SUMO3: variants seen among roughly 807,000 people sequenced by gnomAD.
SUMO3 encodes the protein small ubiquitin-related modifier 3.
SUMO3 carries 2 observed loss-of-function variants against 11.1 expected under a neutral mutation model. The ratio of observed to expected loss-of-function variants is 0.18; its 90% CI spans 0.07 to 0.57. The LOEUF is 0.57. SUMO3 is among the 20% of genes least tolerant of loss of function. The pLI, the probability that SUMO3 is intolerant of heterozygous loss-of-function variation, is 0.92. For synonymous variants in SUMO3, 56 were observed against 53.5 expected, an observed-to-expected ratio of 1.05 and a Z score of -0.20; for missense variants, 70 against 132.8, an observed-to-expected ratio of 0.53 and a Z score of 2.32.
rs370151478 is a variant in SUMO3, at chr21:44,812,466, G to A, written c.150+1510C>T. ...AAAAAGTTTCAACCGAGAATATTAC[G>A]TGCAGCCACATACTGAAGTGTGAAG... On this transcript the variant is annotated intron_variant, in intron 2 of 3. Transcript: ENST00000332859. Among the ~76,000 whole-genome samples the A allele has an allele frequency of 1.2e-4, 19 of 152,062 alleles. No individual in the cohort carries two copies. In the East Asian group the frequency reaches 1.7e-3, roughly 14 times the overall value.
chr21:44,811,058 A>C lies in SUMO3; in HGVS notation c.151-1940T>G, dbSNP rs2083209200. Among the ~76,000 whole-genome samples the C allele has an allele frequency of 6.7e-6, 1 of 148,596 alleles. No individual in the cohort carries two copies. Among genetic ancestry groups the C allele is most frequent in the Non-Finnish European group, 1.5e-5 (1 of 66,900 alleles). On this transcript the variant is annotated intron_variant, in intron 2 of 3. Coordinates refer to ENST00000332859, the MANE Select transcript of SUMO3 (RefSeq NM_006936.3). This position sits in a 1 kb window ranked among gnomAD's most constrained non-coding sequence, Gnocchi z 5.0. ...CCCACATACACACACGCACACACCC[A>C]CACATACACACACACGAATGCACAC...
At chr21:44,815,607 C>T (rs1276233451) in intron 1 of SUMO3, among the ~76,000 whole-genome samples, 1 of 152,170 alleles carries the variant, frequency 6.6e-6, no homozygotes, top group Non-Finnish European at 1.5e-5. Flanking sequence ...CCTGCATGAG[C>T]CCCCTTCACT....
chr21:44,807,131 T>TCAGGGAACAC lies in SUMO3; in HGVS notation c.223-92_223-91insGTGTTCCCTG. 1 of 1,496,084 alleles carries TCAGGGAACAC rather than the reference T, an allele frequency of 6.7e-7. No homozygotes were observed. Among genetic ancestry groups the TCAGGGAACAC allele is most frequent in the Non-Finnish European group, 9.1e-7 (1 of 1,100,164 alleles). 92.7% of individuals were successfully genotyped at this position (1,496,084 alleles called of 1,614,324 possible). A position where few individuals can be genotyped will look rare whatever the true frequency, so the allele number is the denominator to read the frequency against. ...GGGAAGATCCTCACTGGCATGAGTG[T>TCAGGGAACAC]TCCCTGACACTAGCGACATCACCTG... On this transcript the variant is annotated intron_variant, in intron 3 of 3. Transcript: ENST00000332859. This position sits in a 1 kb window ranked among gnomAD's most constrained non-coding sequence, Gnocchi z 4.3.
chr21:44,811,039 TACAC>T lies in SUMO3; in HGVS notation c.151-1925_151-1922del, dbSNP rs1347380790. ...ATATGCACACACGCACACACCCACA[TACAC>T]ACACGCACACACCCACACATACACA... On this transcript the variant is annotated intron_variant, in intron 2 of 3. Coordinates refer to ENST00000332859, the MANE Select transcript of SUMO3 (RefSeq NM_006936.3). This position sits in a 1 kb window ranked among gnomAD's most constrained non-coding sequence, Gnocchi z 5.0. Among the ~76,000 whole-genome samples, 10 of 76,790 alleles carry T rather than the reference TACAC, an allele frequency of 1.3e-4. No individual in the cohort carries two copies. The highest frequency in any genetic ancestry group is 4.0e-4 in the South Asian group (1 of 2,474). 50.4% of individuals were successfully genotyped at this position (76,790 alleles called of 152,430 possible).
chr21:44,807,053 T>G lies in SUMO3; in HGVS notation c.223-13A>C. 1.9e-6 allele frequency: 3 copies of G among 1,613,376 alleles called. No individual in the cohort carries two copies. Among genetic ancestry groups the G allele is most frequent in the Non-Finnish European group, 2.5e-6 (3 of 1,179,754 alleles). ...CCTCCATCTCCAGCTGTCATGGTTGTCACAACAGGCACAGCGAGAGAGAGG... is the reference window on the plus strand; with the variant it reads ...CCTCCATCTCCAGCTGTCATGGTTGGCACAACAGGCACAGCGAGAGAGAGG... On this transcript the variant is annotated splice_polypyrimidine_tract_variant and intron_variant, in intron 3 of 3. Transcript: ENST00000332859. The surrounding 1 kb of genome is among the most constrained non-coding windows in gnomAD (Gnocchi z 4.3).
At chr21:44,813,816 A>G (rs904823945) in intron 2 of SUMO3, 160 bp downstream of exon 2, 1 of 1,524,216 alleles carries the variant, frequency 6.6e-7, no homozygotes, top group African/African-American at 1.4e-5. Context: ...AGCCTGGACT[A>G]ATTTTACAGC....
At chr21:44,808,882 A>C in intron 3 of SUMO3, 165 bp downstream of exon 3, 1 of 739,544 alleles carries the variant, frequency 1.4e-6, no homozygotes, top group Non-Finnish European at 2.3e-6. Flanking sequence ...TTCTCATTTG[A>C]AAATTTAAAT....
intron 2 of SUMO3, chr21:44,813,752 T>A (rs1447374887): frequency 7.0e-7 from 1 of 1,423,120 alleles, no homozygotes; most frequent in Non-Finnish European, 9.3e-7. Flanking sequence ...CCCACCACAC[T>A]TCTCCGAGCC....
chr21:44,808,485 A>G, intron 3 of SUMO3: 1 of 1,448,388 alleles, frequency 6.9e-7, no homozygotes, highest in Non-Finnish European at 9.1e-7. Flanking sequence ...ACTGCATTCT[A>G]GCCTGGGCAA....
At position 44,806,812 on chromosome 21, in the gene SUMO3, T is replaced by C. The variant is rs372273961; in HGVS notation, c.*139A>G. ...CTGCAGATATAGTTTTGAGTTGCAC[T>C]TGAAGTACATCAAAGAGAGGAAAAT... On this transcript the variant is annotated 3_prime_UTR_variant, in exon 4 of 4. Transcript: ENST00000332859. The C allele has an allele frequency of 1.4e-6, 2 of 1,460,152 alleles. No homozygotes were observed. The allele number at this position is 1,460,152 out of a possible 1,614,324, so 90.4% of individuals were successfully genotyped here. A position where few individuals can be genotyped will look rare whatever the true frequency, so the allele number is the denominator to read the frequency against.
intron 1 of SUMO3, among the ~76,000 whole-genome samples, chr21:44,816,361 C>A (rs1468208663): frequency 6.6e-6 from 1 of 152,144 alleles, no homozygotes; most frequent in Admixed American, 6.5e-5. Flanking sequence ...AAAGGTCACC[C>A]CAAATGCCAT....
intron 1 of SUMO3, among the ~76,000 whole-genome samples, chr21:44,815,281 A>G (rs1457246430): frequency 3.3e-5 from 5 of 152,158 alleles, no homozygotes; most frequent in African/African-American, 1.2e-4. Context: ...TCCCTGGGGT[A>G]TGCACCCTGG....
Position 44,810,226 on chromosome 21 carries a change from A to G in SUMO3, c.151-1108T>C, listed in dbSNP as rs2083202221. On this transcript the variant is annotated intron_variant, in intron 2 of 3. Coordinates refer to ENST00000332859, the MANE Select transcript of SUMO3 (RefSeq NM_006936.3). The surrounding 1 kb of genome is among the most constrained non-coding windows in gnomAD (Gnocchi z 4.1). ...CCTGAAACCCCACTGAAATGAAGTA[A>G]ATGAAAAAGGCACAAACAGGAAGGA... Among the ~76,000 whole-genome samples the G allele has an allele frequency of 6.6e-6, 1 of 152,208 alleles. No individual in the cohort carries two copies. Among genetic ancestry groups the G allele is most frequent in the African/African-American group, 2.4e-5 (1 of 41,446 alleles).
In SUMO3 at chr21:44,813,874, C is replaced by T. The variant is rs1339302233; in HGVS notation, c.150+102G>A. 4 of 1,590,122 alleles carry T rather than the reference C, an allele frequency of 2.5e-6. No homozygotes were observed. In the Admixed American group the frequency reaches 6.8e-5, roughly 27 times the overall value. ...ACGAAGAGGGCACCTCGGGCAGCTG[C>T]ATCTGGGTCCAGCCCCGAGACGCTC... On this transcript the variant is annotated intron_variant, in intron 2 of 3. Coordinates refer to ENST00000332859, the MANE Select transcript of SUMO3 (RefSeq NM_006936.3).
chr21:44,808,510 G>A (rs773532443), intron 3 of SUMO3: 10 of 1,437,940 alleles, frequency 7.0e-6, no homozygotes, highest in Admixed American at 2.8e-5. Flanking sequence ...GCGAGACTCC[G>A]TCTCAAAAAA....
chr21:44,805,837 G>C lies in SUMO3; in HGVS notation c.*1114C>G, dbSNP rs1569306272. ...AGAGAATGGCCACCAAGCAGCAATG[G>C]AGCCTCAGGGAAGGACAATAGGCAG... is the stretch of plus-strand genomic sequence containing the variant. On this transcript the variant is annotated 3_prime_UTR_variant, in exon 4 of 4. Transcript: ENST00000332859. 1.3e-5 allele frequency: 2 copies of C among 152,602 alleles called. No individual in the cohort carries two copies. The highest frequency in any genetic ancestry group is 2.1e-4 in the South Asian group (1 of 4,820). 9.5% of individuals were successfully genotyped at this position (152,602 alleles called of 1,614,324 possible).
intron 1 of SUMO3, among the ~76,000 whole-genome samples, chr21:44,817,512 C>T (rs1275655406): frequency 6.6e-6 from 1 of 151,780 alleles, no homozygotes. Context: ...CACAGGATCC[C>T]GCACCCAGGG....
chr21:44,812,583 T>C (rs1462218628), intron 2 of SUMO3, among the ~76,000 whole-genome samples: 1 of 152,106 alleles, frequency 6.6e-6, no homozygotes, highest in Non-Finnish European at 1.5e-5. Context: ...GAGGATGTGC[T>C]CCACCACAAA....
chr21:44,812,053 C>CCTTTTTTT (rs755885948), intron 2 of SUMO3, among the ~76,000 whole-genome samples: 1 of 80,990 alleles, frequency 1.2e-5, no homozygotes, highest in Non-Finnish European at 2.2e-5. Context: ...AACTTCTCAC[C>CCTTTTTTT]TTTTTTTTTT....
Sources: gnomAD v4.1 joint callset for allele counts (sites outside exome capture counted in the v4.1 genomes callset) on GRCh38, gnomAD v4.1.1 for gene constraint, Gnocchi (gnomAD v3.1) non-coding constraint, MANE v1.5 for transcripts, NCBI Gene and HGNC (gene_info 2026-07-23, HGNC 2026-07-21) for gene names.